TNNI3K: variants seen among roughly 807,000 people sequenced by gnomAD.
The protein encoded by TNNI3K is serine/threonine-protein kinase TNNI3K.
In TNNI3K, 140 loss-of-function variants were observed where a neutral mutation model predicts 114.5. The observed-to-expected ratio is 1.22, with a 90% CI of 1.07 to 1.41. TNNI3K has a LOEUF of 1.41. Among genes scored for constraint, TNNI3K ranks in the 40% most tolerant of loss-of-function variants. The pLI is 0.00. For missense variants in TNNI3K, 1,125 were observed against 1,007.6 expected (o/e 1.12, Z -1.58); for synonymous variants, 347 against 347.5 (o/e 1.00, Z 0.02).
chr1:74,270,367 G>A (rs1570398900), intron 4 of TNNI3K, among the ~76,000 whole-genome samples: 2 of 150,628 alleles, frequency 1.3e-5, no homozygotes, highest in Non-Finnish European at 1.5e-5. Context: ...AGCTTCAGTG[G>A]GAAAAAAAAA....
At chr1:74,452,522 T>G (rs1667070779) in intron 20 of TNNI3K, among the ~76,000 whole-genome samples, 1 of 152,190 alleles carries the variant, frequency 6.6e-6, no homozygotes, top group Non-Finnish European at 1.5e-5. Context: ...CTGAAATCCA[T>G]CCAGTTATCT....
chr1:74,325,775 C>T (rs540717710), intron 5 of TNNI3K, among the ~76,000 whole-genome samples: 1 of 151,996 alleles, frequency 6.6e-6, no homozygotes, highest in South Asian at 2.1e-4. Context: ...TTGGAGGGGA[C>T]CATAATTGAG....
At chr1:74,408,732 A>C (rs74093559) in intron 17 of TNNI3K, among the ~76,000 whole-genome samples, 4,129 of 152,292 alleles carry the variant, frequency 0.027, 180 homozygotes, top group African/African-American at 0.095. Context: ...TGGATTTTTA[A>C]AAAGCAAAAG....
chr1:74,256,147 A>G (rs1262918133), intron 4 of TNNI3K, among the ~76,000 whole-genome samples: 1 of 152,138 alleles, frequency 6.6e-6, no homozygotes, highest in African/African-American at 2.4e-5. Context: ...GCTGAGTCAC[A>G]TAATAAGTAT....
chr1:74,445,703 C>T (rs113888823), intron 20 of TNNI3K, among the ~76,000 whole-genome samples: 20 of 149,748 alleles, frequency 1.3e-4, no homozygotes, highest in South Asian at 2.1e-4. Context: ...TTCCGCCTCC[C>T]GGGTTCATGC....
At chr1:74,503,632 A>G (rs1669746640) in intron 23 of TNNI3K, among the ~76,000 whole-genome samples, 1 of 152,142 alleles carries the variant, frequency 6.6e-6, no homozygotes, top group African/African-American at 2.4e-5. Context: ...TTTTTATGAC[A>G]TGCACTTCCT....
At chr1:74,276,070 A>C (rs994232087) in intron 5 of TNNI3K, among the ~76,000 whole-genome samples, 5 of 152,148 alleles carry the variant, frequency 3.3e-5, no homozygotes, top group Admixed American at 3.3e-4. Flanking sequence ...GTGCGATTAC[A>C]TGATGATTAA....
At chr1:74,336,657 A>G (rs1177685384) in intron 7 of TNNI3K, among the ~76,000 whole-genome samples, 6 of 151,770 alleles carry the variant, frequency 4.0e-5, no homozygotes, top group Non-Finnish European at 7.4e-5. Context: ...ATTTTCATCC[A>G]TGTCCCTACA....
At chr1:74,421,036 C>T (rs933172503) in intron 17 of TNNI3K, among the ~76,000 whole-genome samples, 2 of 152,072 alleles carry the variant, frequency 1.3e-5, no homozygotes, top group African/African-American at 2.4e-5. Flanking sequence ...AATAATGGAA[C>T]ACTAGGAATA....
chr1:74,391,957 A>ATTATTATTTTTTTTTTTTTTTT (rs1369570973), intron 17 of TNNI3K, among the ~76,000 whole-genome samples: 3 of 92,988 alleles, frequency 3.2e-5, no homozygotes, highest in Non-Finnish European at 4.4e-5. Flanking sequence ...ACAGCTTATT[A>ATTATTATTTTTTTTTTTTTTTT]TTTTTTTTTT....
At position 74,374,681 on chromosome 1, in the gene TNNI3K, G is replaced by A. The variant is rs186879734; in HGVS notation, c.1772+4289G>A. ...CATGTTCTGCTGGTGTGGAACAGAT[G>A]TTGCATAGAAAGCATGCAGATAGGT... On this transcript the variant is annotated intron_variant, in intron 17 of 24. Coordinates refer to ENST00000326637, the MANE Select transcript of TNNI3K (RefSeq NM_015978.3). 3.9e-5 allele frequency: 6 copies of A among 152,042 alleles called. No homozygotes were observed. In the East Asian group the frequency reaches 1.2e-3, roughly 29 times the overall value. The allele number at this position is 152,042 out of a possible 1,614,324, so 9.4% of individuals were successfully genotyped here.
chr1:74,444,944 T>C (rs1666565029), intron 20 of TNNI3K, among the ~76,000 whole-genome samples: 1 of 152,134 alleles, frequency 6.6e-6, no homozygotes, highest in South Asian at 2.1e-4. Context: ...TGGGGAACCC[T>C]ATTTAATAAA....
At chr1:74,437,818 C>T (rs928837766) in intron 19 of TNNI3K, among the ~76,000 whole-genome samples, 3 of 151,656 alleles carry the variant, frequency 2.0e-5, no homozygotes, top group Non-Finnish European at 4.4e-5. Flanking sequence ...GCATAGTGCC[C>T]GAATCTGATC....
At chr1:74,391,957 A>ATTATTTTT (rs1369570973) in intron 17 of TNNI3K, among the ~76,000 whole-genome samples, 1 of 92,990 alleles carries the variant, frequency 1.1e-5, no homozygotes, top group African/African-American at 3.9e-5. Flanking sequence ...ACAGCTTATT[A>ATTATTTTT]TTTTTTTTTT....
At chr1:74,365,427 A>T (rs545840708) in intron 11 of TNNI3K, among the ~76,000 whole-genome samples, 3 of 152,104 alleles carry the variant, frequency 2.0e-5, no homozygotes, top group South Asian at 2.1e-4. Context: ...CCTACTACAG[A>T]CTTTTTCAAT....
chr1:74,421,952 TA>T (rs1665417094), intron 17 of TNNI3K, among the ~76,000 whole-genome samples: 2 of 1,542 alleles, frequency 1.3e-3, no homozygotes, highest in Non-Finnish European at 9.4e-3. Context: ...GGATTGCTTT[TA>T]TTATTATTAT....
At chr1:74,471,815 G>A (rs905117985) in intron 21 of TNNI3K, 5 of 431,262 alleles carry the variant, frequency 1.2e-5, no homozygotes, top group Non-Finnish European at 1.6e-5. Context: ...ATTTGGATTT[G>A]CTCTTTCTCA....
intron 17 of TNNI3K, among the ~76,000 whole-genome samples, chr1:74,432,810 G>A (rs10890128): frequency 0.61 from 92,417 of 151,874 alleles, 32,799 homozygotes; most frequent in East Asian, 0.81. Flanking sequence ...TAGCAGTCCT[G>A]CATCGTCCTT....
At chr1:74,384,869 CTT>C (rs1167017234) in intron 17 of TNNI3K, among the ~76,000 whole-genome samples, 1 of 152,116 alleles carries the variant, frequency 6.6e-6, no homozygotes, top group African/African-American at 2.4e-5. Context: ...TAATGGAAAA[CTT>C]TTAATTTTTA....
Sources: gnomAD v4.1 joint callset for allele counts (sites outside exome capture counted in the v4.1 genomes callset) on GRCh38, gnomAD v4.1.1 for gene constraint, MANE v1.5 for transcripts, NCBI Gene and HGNC (gene_info 2026-07-23, HGNC 2026-07-21) for gene names.